Variants in CALN1 observed in about 807,000 individuals in gnomAD.
The protein encoded by CALN1 is calneuron 1.
In CALN1, 17 loss-of-function variants were observed where a neutral mutation model predicts 30.6. That is an observed-to-expected ratio of 0.56 (90% CI 0.38 to 0.83). The LOEUF (loss-of-function observed/expected upper bound fraction) is 0.83, where lower values mean the gene tolerates loss of function less well. Among genes scored for constraint, CALN1 ranks in the 40% least tolerant of loss-of-function variants. The pLI is 0.00. For synonymous variants in CALN1, 156 were observed against 131.4 expected (o/e 1.19, Z -1.28); for missense variants, 291 against 354.9 (o/e 0.82, Z 1.45).
At chr7:71,883,977 G>T (rs558258825) in intron 5 of CALN1, among the ~76,000 whole-genome samples, 1 of 152,048 alleles carries the variant, frequency 6.6e-6, no homozygotes, top group Admixed American at 6.6e-5. Context: ...GAAGTGGCGC[G>T]ATCTTGGCTC....
intron 2 of CALN1, among the ~76,000 whole-genome samples, chr7:72,291,704 C>G (rs1585381394): frequency 6.6e-6 from 1 of 152,162 alleles, no homozygotes; most frequent in Non-Finnish European, 1.5e-5. Flanking sequence ...CCTCCACCTC[C>G]CGGGTTCAAG....
intron 5 of CALN1, among the ~76,000 whole-genome samples, chr7:71,909,761 G>C (rs1220107434): frequency 2.0e-5 from 3 of 152,174 alleles, no homozygotes; most frequent in Non-Finnish European, 4.4e-5. Flanking sequence ...ACTGTCCAAA[G>C]GGGATGCATT....
intron 2 of CALN1, chr7:72,337,089 T>G (rs751142797): frequency 1.0e-6 from 1 of 985,664 alleles, no homozygotes; most frequent in South Asian, 4.7e-5. Context: ...GTTCAGCCCA[T>G]GTGCGCGGCT....
At chr7:72,299,361 A>AC (rs1307321106) in intron 2 of CALN1, among the ~76,000 whole-genome samples, 1 of 152,234 alleles carries the variant, frequency 6.6e-6, no homozygotes, top group East Asian at 1.9e-4. Flanking sequence ...AAGCATGAAC[A>AC]CAATAAGAGA....
the CALN1 span, among the ~76,000 whole-genome samples, chr7:72,464,513 T>A: frequency 1.2e-4 from 19 of 152,286 alleles, no homozygotes; most frequent in Non-Finnish European, 1.9e-4. Flanking sequence ...CCTCCCTTCA[T>A]GCCAATCCCA....
chr7:72,300,855 T>C (rs1799211881), intron 2 of CALN1, among the ~76,000 whole-genome samples: 1 of 151,994 alleles, frequency 6.6e-6, no homozygotes, highest in Admixed American at 6.6e-5. Context: ...TAGCTGGGCA[T>C]GGTGGCACGT....
intron 2 of CALN1, among the ~76,000 whole-genome samples, chr7:72,395,209 G>A (rs1805841007): frequency 6.6e-6 from 1 of 152,202 alleles, no homozygotes; most frequent in African/African-American, 2.4e-5. Flanking sequence ...AAATAAGGGT[G>A]TGAGCATTCA....
chr7:72,133,743 A>G lies in CALN1; in HGVS notation c.245-27449T>C, dbSNP rs181510907. ...AACAGTAATGGGTCAAATCACCCCT[A>G]CATATCACCTGATTAGGTTCCAGGA... On this transcript the variant is annotated intron_variant, in intron 3 of 6. Coordinates refer to ENST00000395275, the MANE Select transcript of CALN1 (RefSeq NM_031468.4). 2.0e-5 allele frequency among the ~76,000 whole-genome samples: 3 copies of G among 152,362 alleles called. No individual in the cohort carries two copies. In the East Asian group the frequency reaches 5.8e-4, roughly 29 times the overall value.
At chr7:71,947,002 TTTGTTG>T (rs765718540) in intron 5 of CALN1, among the ~76,000 whole-genome samples, 2 of 151,924 alleles carry the variant, frequency 1.3e-5, no homozygotes, top group East Asian at 1.9e-4. Flanking sequence ...GAGTTGTGTT[TTTGTTG>T]TTGTTGTTGT....
intron 3 of CALN1, among the ~76,000 whole-genome samples, chr7:72,147,103 A>C (rs997151275): frequency 2.6e-5 from 4 of 152,266 alleles, no homozygotes; most frequent in South Asian, 2.1e-4. Context: ...GCAACAAAAG[A>C]CAAAATTGAC....
intron 3 of CALN1, among the ~76,000 whole-genome samples, chr7:72,144,441 G>A (rs1810199065): frequency 6.6e-6 from 1 of 152,166 alleles, no homozygotes; most frequent in Admixed American, 6.5e-5. Flanking sequence ...AAATATATAT[G>A]CACCCAATAC....
At chr7:72,181,303 TTA>T (rs1358596707) in intron 3 of CALN1, among the ~76,000 whole-genome samples, 2 of 149,964 alleles carry the variant, frequency 1.3e-5, no homozygotes, top group Admixed American at 6.7e-5. Context: ...TGTAAAATGT[TTA>T]TATATGTTAT....
intron 3 of CALN1, among the ~76,000 whole-genome samples, chr7:72,272,564 C>A (rs1051755307): frequency 6.6e-6 from 1 of 150,886 alleles, no homozygotes; most frequent in Non-Finnish European, 1.5e-5. Flanking sequence ...TCTGTCTCCA[C>A]GAAAAAAAAG....
chr7:71,890,940 C>T (rs924049037), intron 5 of CALN1, among the ~76,000 whole-genome samples: 1 of 151,832 alleles, frequency 6.6e-6, no homozygotes, highest in African/African-American at 2.4e-5. Flanking sequence ...AGAGACAGGG[C>T]TTTGCTATTT....
At chr7:71,907,604 T>C (rs1794211627) in intron 5 of CALN1, among the ~76,000 whole-genome samples, 1 of 152,184 alleles carries the variant, frequency 6.6e-6, no homozygotes, top group East Asian at 1.9e-4. Context: ...AGTCTCTTCA[T>C]GGTTTAAAAG....
intron 4 of CALN1, among the ~76,000 whole-genome samples, chr7:72,063,252 T>A (rs1356409247): frequency 6.6e-6 from 1 of 152,228 alleles, no homozygotes; most frequent in East Asian, 1.9e-4. Context: ...AATTCAAAAT[T>A]TAAATTTTAA....
At chr7:72,100,954 G>C (rs973053087) in intron 4 of CALN1, among the ~76,000 whole-genome samples, 3 of 151,762 alleles carry the variant, frequency 2.0e-5, no homozygotes, top group African/African-American at 4.8e-5. Context: ...CATTTGACTA[G>C]GATTTTTGTT....
chr7:72,268,445 C>T (rs1562817055), intron 3 of CALN1, among the ~76,000 whole-genome samples: 1 of 152,066 alleles, frequency 6.6e-6, no homozygotes, highest in Non-Finnish European at 1.5e-5. Flanking sequence ...TAAGCAGAAG[C>T]AAAATGTTAA....
intron 3 of CALN1, among the ~76,000 whole-genome samples, chr7:72,202,622 T>G (rs1791524825): frequency 2.6e-5 from 4 of 152,130 alleles, no homozygotes; most frequent in Admixed American, 2.0e-4. Context: ...TCTACACAGT[T>G]GAGGGGAAGG....
Sources: gnomAD v4.1 joint callset for allele counts (sites outside exome capture counted in the v4.1 genomes callset) on GRCh38, gnomAD v4.1.1 for gene constraint, MANE v1.5 for transcripts, NCBI Gene and HGNC (gene_info 2026-07-23, HGNC 2026-07-21) for gene names.